The following MAP3K11 variants were observed in gnomAD, a reference collection of about 807,000 sequenced individuals.
MAP3K11 encodes SH3 domain-containing proline-rich kinase.
MAP3K11 carries 46 observed loss-of-function variants against 84.9 expected under a neutral mutation model. That is an observed-to-expected ratio of 0.54 (90% CI 0.43 to 0.69). The LOEUF (loss-of-function observed/expected upper bound fraction) is 0.69, where lower values mean the gene tolerates loss of function less well. Ranked by LOEUF, MAP3K11 falls within the 30% of genes least tolerant of loss-of-function variation. The probability of loss-of-function intolerance (pLI) is 0.00; values close to 1 mark genes in which losing one functional copy is unlikely to be tolerated. For synonymous variants in MAP3K11, 527 were observed against 514.7 expected (o/e 1.02, Z -0.32); for missense variants, 1,053 against 1,198.3 (o/e 0.88, Z 1.79).
At chr11:65,612,375 C>A (rs1376085118) in intron 1 of MAP3K11, 1 of 152,334 alleles carries the variant, frequency 6.6e-6, no homozygotes, top group Non-Finnish European at 1.5e-5. Flanking sequence ...ATCCAGCCCT[C>A]AAATGTCCAT....
At chr11:65,604,647 G>A (rs897014153) in intron 8 of MAP3K11, among the ~76,000 whole-genome samples, 2 of 151,920 alleles carry the variant, frequency 1.3e-5, no homozygotes, top group Non-Finnish European at 2.9e-5. Flanking sequence ...GAACTGCTTG[G>A]CACATAGAAG....
Position 65,598,198 on chromosome 11 carries a change from G to T in MAP3K11, c.*93C>A. On this transcript the variant is annotated 3_prime_UTR_variant, in exon 10 of 10. Transcript: ENST00000309100. ...GGGGGGTGGGGTCCCTGGGGAAACT[G>T]AGGCAGCTGCAGAGGCTGACCCAGC... 1 of 1,114,722 alleles carries T rather than the reference G, an allele frequency of 9.0e-7. No individual in the cohort carries two copies. Among genetic ancestry groups the T allele is most frequent in the Non-Finnish European group, 1.2e-6 (1 of 846,608 alleles). The allele number at this position is 1,114,722 out of a possible 1,614,324, so 69.1% of individuals were successfully genotyped here. A position where few individuals can be genotyped will look rare whatever the true frequency, so the allele number is the denominator to read the frequency against.
intron 4 of MAP3K11, 36 bp from the exon 5 acceptor site, chr11:65,607,549 T>C: frequency 6.4e-7 from 1 of 1,551,622 alleles, no homozygotes; most frequent in East Asian, 2.3e-5. Context: ...GAGGTCAGCC[T>C]GGCACCAATC....
chr11:65,614,041 T>G lies in MAP3K11; in HGVS notation c.-285A>C. On this transcript the variant is annotated 5_prime_UTR_variant, in exon 1 of 10. Transcript: ENST00000309100. Reference sequence around the variant, plus strand: ...TAGCTTGGAGGGACCCGAGCTTCCCTCGGTTCTGGAGCAGTCCTGGGAGCC... The same window carrying G: ...TAGCTTGGAGGGACCCGAGCTTCCCGCGGTTCTGGAGCAGTCCTGGGAGCC... 2.3e-6 allele frequency: 1 copy of G among 440,718 alleles called. No homozygotes were observed. The highest frequency in any genetic ancestry group is 3.9e-5 in the East Asian group (1 of 25,598). The allele number at this position is 440,718 out of a possible 1,614,324, so 27.3% of individuals were successfully genotyped here.
At chr11:65,600,755 T>G (rs1565142362) in intron 8 of MAP3K11, among the ~76,000 whole-genome samples, 1 of 152,240 alleles carries the variant, frequency 6.6e-6, no homozygotes, top group African/African-American at 2.4e-5. Flanking sequence ...GGAGAAAGTC[T>G]GGCCTCCTTG....
At position 65,598,342 on chromosome 11, in the gene MAP3K11, C is replaced by T. The variant is rs746618739; in HGVS notation, c.2493G>A (p.Gln831=). ...GGGCCTGGGCACCCATGTCTTTGGT[C>T]TGTGCCCTGCAGTCCTGGGGGCCCC... ...FQGGPQDCRA[Q]TKDMGAQAPW... is the part of the protein sequence containing the mutation. Residue 831 remains glutamine, a synonymous_variant, in exon 10 of 10, where the codon CAG becomes CAA. Transcript: ENST00000309100. 2 of 1,512,082 alleles carry T rather than the reference C, an allele frequency of 1.3e-6. No individual in the cohort carries two copies. Among genetic ancestry groups the T allele is most frequent in the Non-Finnish European group, 1.8e-6 (2 of 1,128,794 alleles). 93.7% of individuals were successfully genotyped at this position (1,512,082 alleles called of 1,614,324 possible). A position where few individuals can be genotyped will look rare whatever the true frequency, so the allele number is the denominator to read the frequency against.
In MAP3K11 at chr11:65,598,436, C is replaced by A; in HGVS notation, c.2399G>T (p.Arg800Leu). The stretch of plus-strand genomic sequence containing the variant: ...GTCCGGGAACAAGGTCCAGGGTGCT[C>A]GGCGGGGTGCAGGCTGTGGTGATGG... ...PLPSPQPAPRRAPWTLFPDSD... is the reference protein window; with the variant it reads ...PLPSPQPAPRLAPWTLFPDSD... The change falls in exon 10 of 10, where the codon CGA (arginine) becomes CTA (leucine). Residue 800 changes from arginine to leucine, a missense_variant. By Grantham distance (102) the Arg-to-Leu change is moderately radical. Transcript: ENST00000309100. 1 of 1,606,288 alleles carries A rather than the reference C, an allele frequency of 6.2e-7. No homozygotes were observed. The highest frequency in any genetic ancestry group is 1.1e-5 in the South Asian group (1 of 89,748).
chr11:65,610,163 C>T (rs946740900), intron 1 of MAP3K11: 1 of 152,370 alleles, frequency 6.6e-6, no homozygotes, highest in African/African-American at 2.4e-5. Flanking sequence ...ATTGGTTCAG[C>T]AGCTCTACCT....
intron 9 of MAP3K11, 35 bp downstream of exon 9, chr11:65,599,359 C>A: frequency 1.3e-6 from 2 of 1,526,220 alleles, no homozygotes; most frequent in Non-Finnish European, 1.7e-6. Flanking sequence ...CCCCCGTCTC[C>A]CATATGTGAA....
intron 8 of MAP3K11, 155 bp downstream of exon 8, chr11:65,605,606 T>C (rs1854497520): frequency 3.5e-6 from 2 of 575,950 alleles, no homozygotes; most frequent in South Asian, 4.9e-5. Flanking sequence ...GGTTCCAGGA[T>C]CGGCTCTGTC....
Position 65,607,500 on chromosome 11 carries a change from C to A in MAP3K11, c.1259G>T (p.Arg420Leu). Residue 420 changes from arginine (R) to leucine (L), a missense_variant, in exon 5 of 10, where the codon CGC (arginine) becomes CTC (leucine). Coordinates refer to ENST00000309100, the MANE Select transcript of MAP3K11 (RefSeq NM_002419.4). ...CGCCGCTCGCGTCAGCTCCTCCTCG[C>A]GGCTCAGTAGTTCCTGCGCCCGAGA... is the stretch of plus-strand genomic sequence containing the variant. ...LRAKEKELLSREEELTRAARE... is the reference protein window; with the variant it reads ...LRAKEKELLSLEEELTRAARE... The A allele has an allele frequency of 6.4e-7, 1 of 1,573,648 alleles. No homozygotes were observed. The highest frequency in any genetic ancestry group is 8.6e-7 in the Non-Finnish European group (1 of 1,168,212).
At chr11:65,612,765 A>G (rs571705932) in intron 1 of MAP3K11, 9 of 389,080 alleles carry the variant, frequency 2.3e-5, no homozygotes, top group South Asian at 2.1e-4. Flanking sequence ...GAGAGATACC[A>G]ATTTCTTAAC....
In MAP3K11 at chr11:65,599,550, C is replaced by A; in HGVS notation, c.2050G>T (p.Ala684Ser). The change falls in exon 9 of 10, where the codon GCG (alanine) becomes TCG (serine). Residue 684 changes from alanine to serine, a missense_variant. Transcript: ENST00000309100. ...GGGGGCGGCTCGGTCGGGCAGGGCG[C>A]GGGCGTTGGCGTGGGGGGTGTTGTC... The part of the protein sequence containing the change: ...SPTTPPTPTP[A>S]PCPTEPPPSP... 6.7e-7 allele frequency: 1 copy of A among 1,488,742 alleles called. No individual in the cohort carries two copies. The highest frequency in any genetic ancestry group is 1.4e-5 in the South Asian group (1 of 73,368). 92.2% of individuals were successfully genotyped at this position (1,488,742 alleles called of 1,614,324 possible). A position where few individuals can be genotyped will look rare whatever the true frequency, so the allele number is the denominator to read the frequency against.
Position 65,599,731 on chromosome 11 carries a change from G to T in MAP3K11, c.1869C>A (p.Pro623=). Residue 623 remains proline, a synonymous_variant, in exon 9 of 10, where the codon CCC becomes CCA. Coordinates refer to ENST00000309100, the MANE Select transcript of MAP3K11 (RefSeq NM_002419.4). ...CGCGCTCTGCGGGGACAGGCCTCTT[G>T]GGCTCCTCGGGCTCCAGGCTAGGCC... ...PPRPSLEPEE[P]KRPVPAERGS... is the part of the protein sequence containing the mutation. 1 of 1,589,692 alleles carries T rather than the reference G, an allele frequency of 6.3e-7. No individual in the cohort carries two copies. Among genetic ancestry groups the T allele is most frequent in the South Asian group, 1.1e-5 (1 of 88,866 alleles).
intron 9 of MAP3K11, among the ~76,000 whole-genome samples, chr11:65,598,926 G>A (rs1040469850): frequency 2.0e-5 from 3 of 152,134 alleles, no homozygotes; most frequent in Non-Finnish European, 2.9e-5. Context: ...ATCCAGGAGC[G>A]CTTAGTTCTC....
At chr11:65,608,816 A>C (rs1854541868) in intron 1 of MAP3K11, 1 of 202,476 alleles carries the variant, frequency 4.9e-6, no homozygotes, top group East Asian at 1.4e-4. Context: ...GGGTTTCTCC[A>C]TGTTGGTCAG....
At position 65,598,179 on chromosome 11, in the gene MAP3K11, T is replaced by G; in HGVS notation, c.*112A>C. ...AGTGTTCCTGACCCCCAAAGGGGGG[T>G]GGGGTCCCTGGGGAAACTGAGGCAG... On this transcript the variant is annotated 3_prime_UTR_variant, in exon 10 of 10. Transcript: ENST00000309100. The G allele has an allele frequency of 3.4e-6, 3 of 888,090 alleles. No individual in the cohort carries two copies. The highest frequency in any genetic ancestry group is 3.7e-5 in the Admixed American group (1 of 27,220). The allele number at this position is 888,090 out of a possible 1,614,324, so 55.0% of individuals were successfully genotyped here. A position where few individuals can be genotyped will look rare whatever the true frequency, so the allele number is the denominator to read the frequency against.
intron 8 of MAP3K11, among the ~76,000 whole-genome samples, chr11:65,605,230 G>C (rs145141034): frequency 6.6e-6 from 1 of 152,130 alleles, no homozygotes. Context: ...GAAAGGCCCC[G>C]AGCTATCCTG....
chr11:65,603,428 C>T (rs1854475798), intron 8 of MAP3K11, among the ~76,000 whole-genome samples: 1 of 152,260 alleles, frequency 6.6e-6, no homozygotes, highest in South Asian at 2.1e-4. Flanking sequence ...ACAAGCTTCA[C>T]AGGGCAGTTG....
Sources: allele counts gnomAD v4.1 joint callset (sites outside exome capture counted in the v4.1 genomes callset), GRCh38; gene constraint gnomAD v4.1.1; transcripts MANE v1.5; gene names NCBI Gene and HGNC (gene_info 2026-07-23, HGNC 2026-07-21).